Variants in CFAP20DC observed in about 807,000 individuals in gnomAD.
CFAP20DC encodes protein CFAP20DC.
Under a neutral mutation model 101.7 loss-of-function variants are expected in CFAP20DC, and 84 were observed. The observed-to-expected ratio is 0.83, with a 90% CI of 0.69 to 0.99. The LOEUF is 0.99. Ranked by LOEUF, CFAP20DC falls within the 50% of genes least tolerant of loss-of-function variation. CFAP20DC has a pLI of 0.00. For missense variants in CFAP20DC, 1,007 were observed against 970.3 expected, an observed-to-expected ratio of 1.04 and a Z score of -0.50; for synonymous variants, 359 against 351.2, an observed-to-expected ratio of 1.02 and a Z score of -0.25.
chr3:58,914,224 A>AT lies in CFAP20DC; in HGVS notation c.394-361dup. Among the ~76,000 whole-genome samples, 1 of 152,264 alleles carries AT rather than the reference A, an allele frequency of 6.6e-6. No individual in the cohort carries two copies. Among genetic ancestry groups the AT allele is most frequent in the African/African-American group, 2.4e-5 (1 of 41,552 alleles). On this transcript the variant is annotated intron_variant, in intron 5 of 16. Coordinates refer to ENST00000482387, the MANE Select transcript of CFAP20DC (RefSeq NM_001394063.1). This position sits in a 1 kb window ranked among gnomAD's most constrained non-coding sequence, Gnocchi z 4.9. ...CTTGAAAATCAGAGATAAGTAGCCA[A>AT]TTGTTCCTTCAAGGGGACTAATTTG...
chr3:58,761,286 T>G (rs1336095818), intron 15 of CFAP20DC, among the ~76,000 whole-genome samples: 2 of 152,196 alleles, frequency 1.3e-5, no homozygotes, highest in African/African-American at 4.8e-5. Context: ...GTCGAGGAAT[T>G]TATCCATTTC....
chr3:58,981,912 G>C (rs2092565486), intron 4 of CFAP20DC, among the ~76,000 whole-genome samples: 1 of 152,120 alleles, frequency 6.6e-6, no homozygotes, highest in Non-Finnish European at 1.5e-5. Flanking sequence ...CCATCAGAGT[G>C]AACAGGCAAC....
chr3:58,813,746 C>T (rs1376186159), intron 14 of CFAP20DC, among the ~76,000 whole-genome samples: 1 of 151,846 alleles, frequency 6.6e-6, no homozygotes, highest in African/African-American at 2.4e-5. Context: ...GTCACTTAGC[C>T]TGACTACCTG....
intron 4 of CFAP20DC, among the ~76,000 whole-genome samples, chr3:58,985,599 C>G (rs2108554688): frequency 6.6e-6 from 1 of 152,266 alleles, no homozygotes; most frequent in East Asian, 1.9e-4. Flanking sequence ...ATATACTACA[C>G]TAGTAGTGTG....
downstream of CFAP20DC, among the ~76,000 whole-genome samples, chr3:58,737,660 C>A (rs930236234): frequency 6.6e-6 from 1 of 152,144 alleles, no homozygotes; most frequent in Admixed American, 6.5e-5. The surrounding 1 kb of genome is among the most constrained non-coding windows in gnomAD (Gnocchi z 4.1). Flanking sequence ...GACAATGGAC[C>A]TCTTCCCCAC....
chr3:58,791,522 C>T (rs2072854979), intron 15 of CFAP20DC, among the ~76,000 whole-genome samples: 1 of 152,056 alleles, frequency 6.6e-6, no homozygotes, highest in East Asian at 1.9e-4. Flanking sequence ...TAATCTCATA[C>T]TGAGTGAATA....
intron 15 of CFAP20DC, among the ~76,000 whole-genome samples, chr3:58,798,737 A>C (rs1214269048): frequency 6.6e-6 from 1 of 152,214 alleles, no homozygotes; most frequent in Non-Finnish European, 1.5e-5. Flanking sequence ...TTATTTTAAG[A>C]AACTGCCAGA....
At chr3:59,048,450 C>A (rs539299831) in intron 1 of CFAP20DC, among the ~76,000 whole-genome samples, 1 of 152,230 alleles carries the variant, frequency 6.6e-6, no homozygotes, top group East Asian at 1.9e-4. Flanking sequence ...AAATTTGAGA[C>A]AGCTAGTTGT....
rs936569123 is a variant in CFAP20DC at position 58,861,510 on chromosome 3, C to T, written c.1593+2048G>A. On this transcript the variant is annotated intron_variant, in intron 12 of 16. Transcript: ENST00000482387. The surrounding 1 kb of genome is among the most constrained non-coding windows in gnomAD (Gnocchi z 4.0). ...CAATTAATAAATAGAAGAAGCTATC[C>T]TACAGGAAAAGAAATTACCAAAAGT... The T allele has an allele frequency of 2.0e-5, 19 of 949,986 alleles. No homozygotes were observed. The highest frequency in any genetic ancestry group is 1.8e-5 in the Non-Finnish European group (14 of 797,934). The allele number at this position is 949,986 out of a possible 1,614,324, so 58.8% of individuals were successfully genotyped here.
chr3:58,906,118 T>G (rs1212300566), intron 6 of CFAP20DC, among the ~76,000 whole-genome samples: 1 of 152,052 alleles, frequency 6.6e-6, no homozygotes, highest in Non-Finnish European at 1.5e-5. Context: ...TCTCACAGAG[T>G]TGTTATGAAC....
rs182945833 is a variant in CFAP20DC, at chr3:58,861,683, T to C, written c.1593+1875A>G. ...TGTACCAGCAAACCCCAAAGCTTGA[T>C]AATGTGGCAGGTGTTTCCCCTCTCT... On this transcript the variant is annotated intron_variant, in intron 12 of 16. Transcript: ENST00000482387. The surrounding 1 kb of genome is among the most constrained non-coding windows in gnomAD (Gnocchi z 4.0). 3 of 985,458 alleles carry C rather than the reference T, an allele frequency of 3.0e-6. No individual in the cohort carries two copies. The highest frequency in any genetic ancestry group is 1.7e-5 in the African/African-American group (1 of 57,364). 61.0% of individuals were successfully genotyped at this position (985,458 alleles called of 1,614,324 possible). A position where few individuals can be genotyped will look rare whatever the true frequency, so the allele number is the denominator to read the frequency against.
At chr3:58,747,705 T>C (rs1040225968) in intron 16 of CFAP20DC, among the ~76,000 whole-genome samples, 3 of 149,490 alleles carry the variant, frequency 2.0e-5, no homozygotes, top group Admixed American at 2.0e-4. Context: ...TTAGGATCAA[T>C]GAAGATGACA....
intron 13 of CFAP20DC, among the ~76,000 whole-genome samples, chr3:58,846,707 G>A (rs1359583849): frequency 2.0e-5 from 3 of 151,222 alleles, no homozygotes; most frequent in Middle Eastern, 3.4e-3. Flanking sequence ...GCATCGCCAA[G>A]TCAATCCTAA....
At chr3:58,756,194 T>C (rs912895675) in intron 15 of CFAP20DC, among the ~76,000 whole-genome samples, 4 of 152,252 alleles carry the variant, frequency 2.6e-5, no homozygotes, top group African/African-American at 9.6e-5. Context: ...AGGTTCATTC[T>C]CATCTTTCTT....
chr3:58,891,048 CG>C (rs1183996828), intron 6 of CFAP20DC, among the ~76,000 whole-genome samples: 7 of 148,624 alleles, frequency 4.7e-5, no homozygotes, highest in Non-Finnish European at 9.0e-5. Flanking sequence ...GCTGCAATCT[CG>C]GCACTTTGGG....
intron 15 of CFAP20DC, among the ~76,000 whole-genome samples, chr3:58,781,474 G>A (rs891701739): frequency 6.6e-6 from 1 of 151,892 alleles, no homozygotes; most frequent in East Asian, 1.9e-4. Context: ...TGAACTGGAT[G>A]CTAAAAAATA....
At chr3:58,757,704 G>T (rs2069096469) in intron 15 of CFAP20DC, among the ~76,000 whole-genome samples, 1 of 151,800 alleles carries the variant, frequency 6.6e-6, no homozygotes, top group Admixed American at 6.6e-5. Flanking sequence ...GTTTATTCTG[G>T]TATATGGTGT....
intron 16 of CFAP20DC, among the ~76,000 whole-genome samples, chr3:58,751,271 C>T (rs1235082314): frequency 6.6e-6 from 1 of 152,160 alleles, no homozygotes; most frequent in Non-Finnish European, 1.5e-5. Flanking sequence ...TGTTAAAAGG[C>T]ATGCAGATTA....
intron 5 of CFAP20DC, among the ~76,000 whole-genome samples, chr3:58,922,069 T>C (rs2085439876): frequency 6.6e-6 from 1 of 152,218 alleles, no homozygotes; most frequent in Non-Finnish European, 1.5e-5. Flanking sequence ...ATCTTTTTAT[T>C]TGTAACCTGT....
Sources: gnomAD v4.1 joint callset for allele counts (sites outside exome capture counted in the v4.1 genomes callset) on GRCh38, gnomAD v4.1.1 for gene constraint, Gnocchi (gnomAD v3.1) non-coding constraint, MANE v1.5 for transcripts, NCBI Gene and HGNC (gene_info 2026-07-23, HGNC 2026-07-21) for gene names.